Variants in DAB1 observed in about 807,000 individuals in gnomAD.
DAB1 encodes DAB adaptor protein 1.
A neutral mutation model predicts 64.6 loss-of-function variants in DAB1; 15 were observed. That is an observed-to-expected ratio of 0.23 (90% confidence interval 0.16 to 0.36). DAB1 has a LOEUF of 0.36. DAB1 is among the 10% of genes least tolerant of loss of function. The pLI is 1.00. For synonymous variants in DAB1, 235 were observed against 251.9 expected, an observed-to-expected ratio of 0.93 and a Z score of 0.64; for missense variants, 596 against 706.7, an observed-to-expected ratio of 0.84 and a Z score of 1.78.
intron 5 of DAB1, among the ~76,000 whole-genome samples, chr1:57,915,129 TAA>T (rs11321322): frequency 1.0e-3 from 122 of 117,328 alleles, no homozygotes; most frequent in Middle Eastern, 4.6e-3. Context: ...CTTTAAATCA[TAA>T]AAAAAAAAAA....
chr1:57,055,444 T>C (rs1467559328), intron 9 of DAB1, among the ~76,000 whole-genome samples: 1 of 152,088 alleles, frequency 6.6e-6, no homozygotes, highest in Non-Finnish European at 1.5e-5. Context: ...CCTGAATCAA[T>C]AGGTCAAGAA....
At chr1:58,154,521 G>A (rs896753381) in intron 4 of DAB1, among the ~76,000 whole-genome samples, 12 of 152,280 alleles carry the variant, frequency 7.9e-5, no homozygotes, top group African/African-American at 2.9e-4. Flanking sequence ...GGAATGTGGT[G>A]TGGTTTCTGC....
chr1:58,118,327 A>G (rs1036176676), intron 5 of DAB1, among the ~76,000 whole-genome samples: 8 of 149,860 alleles, frequency 5.3e-5, no homozygotes, highest in Admixed American at 6.8e-5. Context: ...AATAGGCTAT[A>G]GCGCATTCAG....
At chr1:57,722,711 AC>A (rs1250875064) in intron 6 of DAB1, among the ~76,000 whole-genome samples, 2 of 152,164 alleles carry the variant, frequency 1.3e-5, no homozygotes, top group Non-Finnish European at 2.9e-5. Flanking sequence ...GGATTGGAGC[AC>A]TCATACGTGA....
At chr1:58,466,594 T>C (rs1328865592) in intron 3 of DAB1, among the ~76,000 whole-genome samples, 1 of 152,180 alleles carries the variant, frequency 6.6e-6, no homozygotes, top group East Asian at 1.9e-4. Flanking sequence ...CCTGACACTC[T>C]GCTCATTCAT....
chr1:57,984,184 AAAAGAAAGAAAGAAAGAAAGAAAGAAAG>A lies in DAB1; in HGVS notation n.388-100050_388-100023del, dbSNP rs557402048. 2.5e-3 allele frequency among the ~76,000 whole-genome samples: 127 copies of A among 50,714 alleles called. 1 individual carries two copies. Among genetic ancestry groups the A allele is most frequent in the African/African-American group, 6.7e-3 (121 of 18,008 alleles). 33.3% of individuals were successfully genotyped at this position (50,714 alleles called of 152,430 possible). A position where few individuals can be genotyped will look rare whatever the true frequency, so the allele number is the denominator to read the frequency against. On this transcript the variant is annotated intron_variant and non_coding_transcript_variant, in intron 5 of 20. Coordinates refer to the DAB1 transcript ENST00000485760. ...TTCAGGGCCCAGGACTAGCTTAAAA[AAAAGAAAGAAAGAAAGAAAGAAAGAAAG>A]AAAGAAAGAAAGAAAGAAAGAAAGA...
intron 6 of DAB1, among the ~76,000 whole-genome samples, chr1:57,761,134 C>A (rs942092645): frequency 1.3e-5 from 2 of 152,192 alleles, no homozygotes; most frequent in Non-Finnish European, 2.9e-5. Flanking sequence ...ATATTAAGCA[C>A]ATAAAGTGAT....
chr1:58,073,638 A>C (rs538926871), intron 5 of DAB1, among the ~76,000 whole-genome samples: 1 of 152,228 alleles, frequency 6.6e-6, no homozygotes, highest in Admixed American at 6.5e-5. Context: ...CAGCCCCAGC[A>C]TGCATACTTT....
intron 4 of DAB1, among the ~76,000 whole-genome samples, chr1:58,168,347 G>A (rs958281912): frequency 3.3e-5 from 5 of 152,104 alleles, no homozygotes; most frequent in Non-Finnish European, 5.9e-5. Context: ...GTGGCCATGA[G>A]CGGAACTCTC....
chr1:57,134,098 T>C (rs1657864992), intron 4 of DAB1, among the ~76,000 whole-genome samples: 1 of 152,202 alleles, frequency 6.6e-6, no homozygotes, highest in African/African-American at 2.4e-5. Flanking sequence ...ATCAGATGGT[T>C]GTTGCTTGAA....
At position 57,519,068 on chromosome 1, in the gene DAB1, A is replaced by G. The variant is rs528342386; in HGVS notation, n.625+130524T>C. On this transcript the variant is annotated intron_variant and non_coding_transcript_variant, in intron 7 of 20. Coordinates refer to the DAB1 transcript ENST00000485760. ...AGAAAAGAGCCTGCCTGTTGAATGA[A>G]GAAATGATTTTGAAGTTCTTACAAT... Among the ~76,000 whole-genome samples, 52 of 152,190 alleles carry G rather than the reference A, an allele frequency of 3.4e-4. 1 individual carries two copies. Among genetic ancestry groups the G allele is most frequent in the South Asian group, 2.1e-3 (10 of 4,828 alleles).
At chr1:57,880,733 T>A (rs2101969671) in intron 1 of DAB1, 1 of 152,356 alleles carries the variant, frequency 6.6e-6, no homozygotes, top group Middle Eastern at 3.4e-3. Context: ...AACAACTTAT[T>A]ATTTATGGAT....
intron 6 of DAB1, among the ~76,000 whole-genome samples, chr1:57,776,135 A>G (rs1649787876): frequency 6.6e-6 from 1 of 151,828 alleles, no homozygotes; most frequent in African/African-American, 2.4e-5. Flanking sequence ...ATAAAGGTTG[A>G]GTATCCCTAA....
intron 7 of DAB1, among the ~76,000 whole-genome samples, chr1:57,431,024 T>C (rs186686782): frequency 7.4e-4 from 112 of 151,374 alleles, no homozygotes; most frequent in African/African-American, 2.6e-3. Flanking sequence ...TAAGGGAGCA[T>C]CAAATGGGGC....
At chr1:58,198,220 T>C (rs1228729476) in intron 4 of DAB1, among the ~76,000 whole-genome samples, 1 of 152,214 alleles carries the variant, frequency 6.6e-6, no homozygotes, top group Non-Finnish European at 1.5e-5. Flanking sequence ...AGCCACCTTT[T>C]ATAGCAAACA....
chr1:57,098,390 A>G (rs913861386), intron 4 of DAB1, among the ~76,000 whole-genome samples: 1 of 152,228 alleles, frequency 6.6e-6, no homozygotes, highest in Non-Finnish European at 1.5e-5. Context: ...CCAAGGTCAC[A>G]CAACTCATAA....
At chr1:57,207,771 C>A (rs1209188315) in intron 2 of DAB1, among the ~76,000 whole-genome samples, 1 of 152,178 alleles carries the variant, frequency 6.6e-6, no homozygotes. Context: ...GAGAACTCAA[C>A]TGCCTCTCTA....
chr1:57,282,058 C>T (rs1476611510), intron 2 of DAB1, among the ~76,000 whole-genome samples: 1 of 151,708 alleles, frequency 6.6e-6, no homozygotes, highest in African/African-American at 2.4e-5. Context: ...TGACATGCAC[C>T]TGTAATCCCA....
intron 3 of DAB1, among the ~76,000 whole-genome samples, chr1:58,370,538 C>A (rs571534765): frequency 4.6e-5 from 7 of 151,950 alleles, no homozygotes; most frequent in Non-Finnish European, 8.8e-5. Flanking sequence ...GAGTTATTCA[C>A]GTTATCTGTT....
Sources: gnomAD v4.1 joint callset for allele counts (sites outside exome capture counted in the v4.1 genomes callset) on GRCh38, gnomAD v4.1.1 for gene constraint, MANE v1.5 for transcripts, NCBI Gene and HGNC (gene_info 2026-07-23, HGNC 2026-07-21) for gene names.